Variants in DPEP2 observed in about 807,000 individuals in gnomAD.
The protein encoded by DPEP2 is dipeptidase 2.
DPEP2 carries 45 observed loss-of-function variants against 51.8 expected under a neutral mutation model. The observed-to-expected ratio is 0.87, with a 90% CI of 0.68 to 1.11. DPEP2 has a LOEUF of 1.11. Among genes scored for constraint, DPEP2 ranks in the 50% most tolerant of loss-of-function variants. The pLI is 0.00. For missense variants in DPEP2, 604 were observed against 631.9 expected (o/e 0.96, Z 0.47); for synonymous variants, 255 against 262.7 (o/e 0.97, Z 0.28).
At chr16:67,992,434 G>A (rs2032284721) in intron 3 of DPEP2, 76 bp downstream of exon 3, 5 of 1,542,674 alleles carry the variant, frequency 3.2e-6, no homozygotes, top group Non-Finnish European at 4.4e-6. Flanking sequence ...TGACTAACTT[G>A]TGATCTCTGG....
At chr16:67,993,415 G>A in intron 1 of DPEP2, 158 bp from the exon 2 acceptor site, 1 of 1,265,538 alleles carries the variant, frequency 7.9e-7, no homozygotes, top group Non-Finnish European at 9.9e-7. Context: ...GCCACCAGGG[G>A]GCGCCCAGCC....
At chr16:67,993,937 G>GC (rs906725639) in intron 1 of DPEP2, 23 of 985,148 alleles carry the variant, frequency 2.3e-5, no homozygotes, top group Middle Eastern at 5.2e-4. Context: ...GCACTCCTCC[G>GC]CCCCCCGCCC....
chr16:67,994,564 G>T (rs1254714335), intron 1 of DPEP2: 1 of 985,376 alleles, frequency 1.0e-6, no homozygotes, highest in Non-Finnish European at 1.2e-6. Flanking sequence ...CTGCCCCTCA[G>T]GCTCTCAAGA....
rs1191969292 is a variant in DPEP2 at position 67,993,219 on chromosome 16, C to T, written c.-7G>A. ...CGAGGCCGGAGGGCTGCATGTTGTG[C>T]AGGGCCGGGCAGGCAGGCAGGGGTG... is the stretch of plus-strand genomic sequence containing the variant. On this transcript the variant is annotated 5_prime_UTR_variant, in exon 2 of 11. Coordinates refer to ENST00000393847, the MANE Select transcript of DPEP2 (RefSeq NM_022355.4). 1 of 1,434,346 alleles carries T rather than the reference C, an allele frequency of 7.0e-7. No homozygotes were observed. 88.9% of individuals were successfully genotyped at this position (1,434,346 alleles called of 1,614,324 possible).
At chr16:67,993,677 G>A (rs1194743686) in intron 1 of DPEP2, 12 of 987,654 alleles carry the variant, frequency 1.2e-5, no homozygotes, top group Admixed American at 6.1e-5. Flanking sequence ...GTCCCCAACC[G>A]CCTGCAACGT....
At position 67,987,467 on chromosome 16, in the gene DPEP2, G is replaced by A. The variant is rs1185268673; in HGVS notation, c.*39C>T. On this transcript the variant is annotated 3_prime_UTR_variant, in exon 11 of 11. Transcript: ENST00000393847. ...CAGGGGAACTTTGTGGGGTGTCTGT[G>A]GCTTGCTACAGTGACATCTGGCAGG... 3.2e-6 allele frequency: 5 copies of A among 1,583,188 alleles called. No individual in the cohort carries two copies. The highest frequency in any genetic ancestry group is 1.3e-5 in the African/African-American group (1 of 74,326).
chr16:67,992,426 A>T (rs555970931), intron 3 of DPEP2, 84 bp downstream of exon 3: 7 of 1,535,688 alleles, frequency 4.6e-6, no homozygotes, highest in East Asian at 2.3e-5. Flanking sequence ...TTCTCATGTG[A>T]CTAACTTGTG....
chr16:68,000,410 T>C (rs1296370148), upstream of DPEP2: 9 of 984,764 alleles, frequency 9.1e-6, no homozygotes, highest in African/African-American at 1.6e-4. Context: ...CTGCCTCCCA[T>C]GCTCAGAGCG....
At position 67,992,551 on chromosome 16, in the gene DPEP2, T is replaced by A. The variant is rs1353005421; in HGVS notation, c.349A>T (p.Thr117Ser). 6.2e-7 allele frequency: 1 copy of A among 1,614,154 alleles called. No homozygotes were observed. The highest frequency in any genetic ancestry group is 8.5e-7 in the Non-Finnish European group (1 of 1,179,996). The change falls in exon 3 of 11, where the codon ACC becomes TCC. Residue 117 changes from threonine (T) to serine (S), a missense_variant. Coordinates refer to ENST00000393847, the MANE Select transcript of DPEP2 (RefSeq NM_022355.4). ...CCATCTCTAAGCCTGTCCAGGCTGGTCTGGCCGTAGCTGAAATTGCGCAGG... is the reference window on the plus strand; with the variant it reads ...CCATCTCTAAGCCTGTCCAGGCTGGACTGGCCGTAGCTGAAATTGCGCAGG... ...VNLRNFSYGQTSLDRLRDGLV... is the reference protein window; with the variant it reads ...VNLRNFSYGQSSLDRLRDGLV...
chr16:67,989,980 C>T, intron 8 of DPEP2, 67 bp downstream of exon 8: 2 of 1,556,482 alleles, frequency 1.3e-6, no homozygotes, highest in East Asian at 2.2e-5. Context: ...CTGGGACAGT[C>T]CTGGGGCCCT....
rs35421512 is a variant in DPEP2, at chr16:67,996,999, ATATTATTAT to A, written c.-46+2367_-46+2375del. 8.2e-3 allele frequency among the ~76,000 whole-genome samples: 1,138 copies of A among 139,096 alleles called. 8 individuals carry two copies. Among genetic ancestry groups the A allele is most frequent in the African/African-American group, 0.017 (647 of 37,698 alleles). 91.3% of individuals were successfully genotyped at this position (139,096 alleles called of 152,430 possible). A position where few individuals can be genotyped will look rare whatever the true frequency, so the allele number is the denominator to read the frequency against. On this transcript the variant is annotated intron_variant, in intron 1 of 10. Transcript: ENST00000393847. Reference sequence around the variant, plus strand: ...CCTGTCTGTAAAAAAATAGATAATGATATTATTATTATTATTATTATTATTATTATTATT... The same window carrying A: ...CCTGTCTGTAAAAAAATAGATAATGATATTATTATTATTATTATTATTATT...
chr16:67,990,881 C>T lies in DPEP2; in HGVS notation c.849G>A (p.Ser283=), dbSNP rs143571397. The change falls in exon 7 of 11, where the codon TCG becomes TCA. Residue 283 remains serine (S), a synonymous_variant. Coordinates refer to ENST00000393847, the MANE Select transcript of DPEP2 (RefSeq NM_022355.4). ...VSQAPVIFSH[S]AARGVCNSAR... ...CACTGTTGCACACACCCCGGGCAGC[C>T]GAGTGGGAGAAGATCACAGGTGCCT... 414 of 1,614,030 alleles carry T rather than the reference C, an allele frequency of 2.6e-4. No homozygotes were observed. The highest frequency in any genetic ancestry group is 3.2e-4 in the Non-Finnish European group (377 of 1,180,028).
At chr16:67,995,577 T>C (rs2151388488) in intron 1 of DPEP2, among the ~76,000 whole-genome samples, 1 of 152,298 alleles carries the variant, frequency 6.6e-6, no homozygotes, top group Middle Eastern at 3.4e-3. Flanking sequence ...AGATGTGGTT[T>C]TGGGGATAAA....
In DPEP2 at chr16:67,987,484, T is replaced by C; in HGVS notation, c.*22A>G. The C allele has an allele frequency of 6.3e-7, 1 of 1,596,484 alleles. No homozygotes were observed. The highest frequency in any genetic ancestry group is 1.1e-5 in the South Asian group (1 of 90,242). ...GTGTCTGTGGCTTGCTACAGTGACA[T>C]CTGGCAGGACTAACTGGGTCATCAG... On this transcript the variant is annotated 3_prime_UTR_variant, in exon 11 of 11. Coordinates refer to ENST00000393847, the MANE Select transcript of DPEP2 (RefSeq NM_022355.4).
chr16:67,990,301 A>C lies in DPEP2; in HGVS notation c.910-170T>G, dbSNP rs550738160. The stretch of plus-strand genomic sequence containing the variant: ...GGAGGAGTCTAGGCCCTGGTCTGGC[A>C]TAGGTGTCTTGGCACTTGCTTTGAG... On this transcript the variant is annotated intron_variant, in intron 7 of 10. Transcript: ENST00000393847. Among the ~76,000 whole-genome samples, 6 of 152,298 alleles carry C rather than the reference A, an allele frequency of 3.9e-5. No individual in the cohort carries two copies. The East Asian group carries it at 9.6e-4, about 24-fold the overall frequency.
In DPEP2 at chr16:67,999,467, A is replaced by G; in HGVS notation, c.-138T>C. 1.0e-6 allele frequency: 1 copy of G among 990,494 alleles called. No homozygotes were observed. Among genetic ancestry groups the G allele is most frequent in the South Asian group, 4.6e-5 (1 of 21,640 alleles). The allele number at this position is 990,494 out of a possible 1,614,324, so 61.4% of individuals were successfully genotyped here. Reference sequence around the variant, plus strand: ...CCACCAATTCCGGACACACTAAGACAAGATTTCACTAGTGTGTGCTGTTTC... The same window carrying G: ...CCACCAATTCCGGACACACTAAGACGAGATTTCACTAGTGTGTGCTGTTTC... On this transcript the variant is annotated 5_prime_UTR_variant, in exon 1 of 11. Coordinates refer to ENST00000393847, the MANE Select transcript of DPEP2 (RefSeq NM_022355.4).
In DPEP2 at chr16:67,991,236, G is replaced by A. The variant is rs755043217; in HGVS notation, c.663-52C>T. 12 of 1,585,038 alleles carry A rather than the reference G, an allele frequency of 7.6e-6. No individual in the cohort carries two copies. In the South Asian group the frequency reaches 1.1e-4, roughly 15 times the overall value. On this transcript the variant is annotated intron_variant, in intron 5 of 10. Coordinates refer to ENST00000393847, the MANE Select transcript of DPEP2 (RefSeq NM_022355.4). This position sits in a 1 kb window ranked among gnomAD's most constrained non-coding sequence, Gnocchi z 5.1. ...ACTGGTAGCTGTTCCTCGGCCTCAA[G>A]AGTCTAGAGGCCCTACCCACCCTCC...
At position 67,989,349 on chromosome 16, in the gene DPEP2, A is replaced by AATGG; in HGVS notation, c.1043_1044insCCAT (p.Gly349HisfsTer6). 2 of 1,614,142 alleles carry AATGG rather than the reference A, an allele frequency of 1.2e-6. No homozygotes were observed. Among genetic ancestry groups the AATGG allele is most frequent in the Non-Finnish European group, 1.7e-6 (2 of 1,180,012 alleles). Reference sequence around the variant, plus strand: ...TGCCGGCCCCATCATAATCTCCACCAATCCCGATGAACTTGGATCCAATGA... The same window carrying AATGG: ...TGCCGGCCCCATCATAATCTCCACCAATGGATCCCGATGAACTTGGATCCAATGA... On this transcript the variant is annotated frameshift_variant, in exon 9 of 11. Coordinates refer to ENST00000393847, the MANE Select transcript of DPEP2 (RefSeq NM_022355.4). LOFTEE classifies it high-confidence loss of function.
upstream of DPEP2, chr16:68,000,558 T>C: frequency 6.7e-6 from 6 of 895,468 alleles, no homozygotes; most frequent in Non-Finnish European, 8.0e-6. Context: ...TGATGTCTGA[T>C]ACAGACAATT....
Sources: gnomAD v4.1 joint callset for allele counts (sites outside exome capture counted in the v4.1 genomes callset) on GRCh38, gnomAD v4.1.1 for gene constraint, Gnocchi (gnomAD v3.1) non-coding constraint, MANE v1.5 for transcripts, NCBI Gene and HGNC (gene_info 2026-07-23, HGNC 2026-07-21) for gene names.